Variants in B3GLCT observed in about 807,000 individuals in gnomAD.
The protein encoded by B3GLCT is beta-1,3-glucosyltransferase.
In B3GLCT, 65 loss-of-function variants were observed where a neutral mutation model predicts 63.4. The observed-to-expected ratio is 1.03, with a 90% confidence interval of 0.84 to 1.26. The LOEUF (loss-of-function observed/expected upper bound fraction) is 1.26. Ranked by LOEUF, B3GLCT falls within the 50% of genes most tolerant of loss-of-function variation. B3GLCT has a pLI of 0.00. For synonymous variants in B3GLCT, 233 were observed against 219.2 expected, an observed-to-expected ratio of 1.06 and a Z score of -0.55; for missense variants, 577 against 604.8, an observed-to-expected ratio of 0.95 and a Z score of 0.48.
intron 7 of B3GLCT, 37 bp downstream of exon 7, chr13:31,261,119 G>A (rs1481360862): frequency 2.5e-6 from 4 of 1,583,476 alleles, no homozygotes; most frequent in Non-Finnish European, 2.6e-6. Flanking sequence ...GGGGCGGGAG[G>A]GGTGTGCATC....
At chr13:31,324,075 G>A (rs1202119257) in intron 14 of B3GLCT, among the ~76,000 whole-genome samples, 180 bp downstream of exon 14, 1 of 152,212 alleles carries the variant, frequency 6.6e-6, no homozygotes, top group East Asian at 1.9e-4. Context: ...ACTGTCTCAT[G>A]TACGTCATGA....
chr13:31,207,610 C>A (rs1045056972), intron 1 of B3GLCT, among the ~76,000 whole-genome samples: 1 of 151,798 alleles, frequency 6.6e-6, no homozygotes, highest in Non-Finnish European at 1.5e-5. Flanking sequence ...ACTCTCTGGC[C>A]CATAGAATAT....
At chr13:31,252,926 A>G (rs1871503076) in intron 6 of B3GLCT, among the ~76,000 whole-genome samples, 1 of 152,218 alleles carries the variant, frequency 6.6e-6, no homozygotes, top group African/African-American at 2.4e-5. Context: ...TCAGCAACAC[A>G]TCACTCTTAT....
intron 4 of B3GLCT, 129 bp from the exon 5 acceptor site, chr13:31,246,894 A>C: frequency 2.8e-6 from 2 of 706,514 alleles, no homozygotes; most frequent in Non-Finnish European, 4.8e-6. Flanking sequence ...GTCTCTAGAA[A>C]CAGCTGCATT....
chr13:31,300,882 G>C (rs1014382314), intron 12 of B3GLCT, among the ~76,000 whole-genome samples: 2 of 152,144 alleles, frequency 1.3e-5, no homozygotes, highest in African/African-American at 4.8e-5. Flanking sequence ...CTAATCTTGT[G>C]GTCTTTCATT....
chr13:31,214,669 T>C (rs1322452178), intron 1 of B3GLCT, among the ~76,000 whole-genome samples: 2 of 152,222 alleles, frequency 1.3e-5, no homozygotes, highest in Admixed American at 6.5e-5. Context: ...GAATCTGTAC[T>C]TCTTCCTCCT....
chr13:31,325,838 T>C (rs1875577644), intron 14 of B3GLCT, among the ~76,000 whole-genome samples: 1 of 152,204 alleles, frequency 6.6e-6, no homozygotes. Flanking sequence ...CCTGATGAGC[T>C]AGAGACAGAG....
At chr13:31,319,270 G>A (rs972878998) in intron 13 of B3GLCT, among the ~76,000 whole-genome samples, 1 of 152,086 alleles carries the variant, frequency 6.6e-6, no homozygotes, top group African/African-American at 2.4e-5. Flanking sequence ...ACCACCTCTA[G>A]TTTTTCTGTC....
chr13:31,233,414 C>T (rs1835010076), intron 4 of B3GLCT, among the ~76,000 whole-genome samples: 1 of 151,914 alleles, frequency 6.6e-6, no homozygotes, highest in African/African-American at 2.4e-5. Flanking sequence ...GGAAATCCTT[C>T]AGTATTGAAA....
At chr13:31,253,059 C>G (rs1871514462) in intron 6 of B3GLCT, among the ~76,000 whole-genome samples, 1 of 152,192 alleles carries the variant, frequency 6.6e-6, no homozygotes, top group Non-Finnish European at 1.5e-5. Context: ...CTAAGAAACT[C>G]ACTCAAAACC....
At chr13:31,293,280 G>T (rs539266971) in intron 12 of B3GLCT, among the ~76,000 whole-genome samples, 5 of 152,204 alleles carry the variant, frequency 3.3e-5, no homozygotes, top group Admixed American at 6.5e-5. Flanking sequence ...ATATTCTGTT[G>T]ATTTGGGGTG....
At chr13:31,233,903 C>T (rs1251919882) in intron 4 of B3GLCT, among the ~76,000 whole-genome samples, 1 of 152,110 alleles carries the variant, frequency 6.6e-6, no homozygotes, top group South Asian at 2.1e-4. Context: ...TGAAGACATA[C>T]TACGGGCAAA....
rs115038411 is a variant in B3GLCT at position 31,225,595 on chromosome 13, G to A, written c.160+2604G>A. On this transcript the variant is annotated intron_variant, in intron 3 of 14. Coordinates refer to ENST00000343307, the MANE Select transcript of B3GLCT (RefSeq NM_194318.4). ...TCAGTGATCTTCCGGCATTCATTATGATCAGGGTTGCAGGAGCTCCCCTCC... is the reference window on the plus strand; with the variant it reads ...TCAGTGATCTTCCGGCATTCATTATAATCAGGGTTGCAGGAGCTCCCCTCC... 2.4e-3 allele frequency among the ~76,000 whole-genome samples: 358 copies of A among 152,326 alleles called. 4 individuals are homozygous for A. The highest frequency in any genetic ancestry group is 8.3e-3 in the African/African-American group (343 of 41,566).
rs1001788655 is a variant in B3GLCT at position 31,306,570 on chromosome 13, C to G, written c.1065-10996C>G. ...CAGAGAGCCAAATCATGAGTGAACT[C>G]CCATTCACAATTACTTCAAAGAGAA... is the stretch of plus-strand genomic sequence containing the variant. On this transcript the variant is annotated intron_variant, in intron 12 of 14. Coordinates refer to ENST00000343307, the MANE Select transcript of B3GLCT (RefSeq NM_194318.4). Among the ~76,000 whole-genome samples, 243 of 109,404 alleles carry G rather than the reference C, an allele frequency of 2.2e-3. 8 individuals are homozygous for G. The highest frequency in any genetic ancestry group is 8.7e-3 in the African/African-American group (229 of 26,328). 71.8% of individuals were successfully genotyped at this position (109,404 alleles called of 152,430 possible).
intron 3 of B3GLCT, among the ~76,000 whole-genome samples, chr13:31,228,067 C>T (rs1426894977): frequency 1.3e-5 from 2 of 152,230 alleles, no homozygotes; most frequent in Non-Finnish European, 2.9e-5. Flanking sequence ...GCAGGACATA[C>T]TCGGGTTTCC....
At chr13:31,259,020 C>T (rs910477548) in intron 6 of B3GLCT, among the ~76,000 whole-genome samples, 1 of 152,098 alleles carries the variant, frequency 6.6e-6, no homozygotes, top group Non-Finnish European at 1.5e-5. Context: ...GCTTTCCAGA[C>T]TGTTAGTCTT....
chr13:31,282,309 G>GT (rs1278211951), intron 10 of B3GLCT, among the ~76,000 whole-genome samples: 4 of 152,078 alleles, frequency 2.6e-5, no homozygotes, highest in Non-Finnish European at 4.4e-5. Flanking sequence ...GCCTTAAGCT[G>GT]TTTTTTTGGA....
At chr13:31,222,335 C>G (rs1869855473) in intron 2 of B3GLCT, among the ~76,000 whole-genome samples, 1 of 152,056 alleles carries the variant, frequency 6.6e-6, no homozygotes, top group Admixed American at 6.6e-5. Context: ...CTCGACCTCC[C>G]AAAGTGCTGG....
chr13:31,247,693 C>A (rs1435855285), intron 5 of B3GLCT, among the ~76,000 whole-genome samples, 162 bp from the exon 6 acceptor site: 2 of 152,100 alleles, frequency 1.3e-5, no homozygotes, highest in Admixed American at 6.5e-5. Flanking sequence ...GTTTTTTAAA[C>A]CATTAGCATC....
Sources: gnomAD v4.1 joint callset for allele counts (sites outside exome capture counted in the v4.1 genomes callset) on GRCh38, gnomAD v4.1.1 for gene constraint, MANE v1.5 for transcripts, NCBI Gene and HGNC (gene_info 2026-07-23, HGNC 2026-07-21) for gene names.